The following PREPL variants were observed in gnomAD, a reference collection of about 807,000 sequenced individuals.
PREPL encodes prolyl endopeptidase like, also known as prolyl endopeptidase-like.
A neutral mutation model predicts 70.6 loss-of-function variants in PREPL; 77 were observed. The observed-to-expected ratio is 1.09, with a 90% CI of 0.91 to 1.32. The LOEUF (loss-of-function observed/expected upper bound fraction) is 1.32, where lower values mean the gene tolerates loss of function less well. Among genes scored for constraint, PREPL ranks in the 40% most tolerant of loss-of-function variants. The pLI, the probability that PREPL is intolerant of heterozygous loss-of-function variation, is 0.00. For missense variants in PREPL, 1,002 were observed against 778.2 expected (o/e 1.29, Z -3.42); for synonymous variants, 315 against 264.8 (o/e 1.19, Z -1.84).
intron 1 of PREPL, among the ~76,000 whole-genome samples, chr2:44,352,258 G>T (rs1263986221): frequency 1.3e-5 from 2 of 151,816 alleles, no homozygotes; most frequent in Non-Finnish European, 2.9e-5. Flanking sequence ...TTTCATTCAT[G>T]TAATTCTTTT....
Position 44,326,824 on chromosome 2 carries a change from T to G in PREPL, c.1367A>C (p.Gln456Pro). The G allele has an allele frequency of 6.2e-7, 1 of 1,614,182 alleles. No homozygotes were observed. The highest frequency in any genetic ancestry group is 8.5e-7 in the Non-Finnish European group (1 of 1,180,024). The change falls in exon 10 of 14, where the codon CAA becomes CCA. Residue 456 changes from glutamine to proline, a missense_variant. Transcript: ENST00000409411. ...TGTTAGACTTGGCTGAGAAAAGCCTTGGCCATGAAGCGTCTTAATGCAAGC... is the reference window on the plus strand; with the variant it reads ...TGTTAGACTTGGCTGAGAAAAGCCTGGGCCATGAAGCGTCTTAATGCAAGC... ...LEACIKTLHG[Q>P]GFSQPSLTTL...
rs759643353 is a variant in PREPL, at chr2:44,321,866, C to T, written c.1788G>A (p.Gln596=). The change falls in exon 13 of 14, where the codon CAG becomes CAA. Residue 596 remains glutamine (Q), a synonymous_variant. Coordinates refer to ENST00000409411, the MANE Select transcript of PREPL (RefSeq NM_001171613.2). The part of the protein sequence containing the change: ...YQTPNIILDI[Q]PGGNHVIEDS... ...CCTCAATTACATGATTGCCTCCAGGCTGAATATCTAGAATAATATTAGGGG... is the reference window on the plus strand; with the variant it reads ...CCTCAATTACATGATTGCCTCCAGGTTGAATATCTAGAATAATATTAGGGG... 13 of 1,613,678 alleles carry T rather than the reference C, an allele frequency of 8.1e-6. No homozygotes were observed. The East Asian group carries it at 1.1e-4, about 14-fold the overall frequency.
At chr2:44,322,029 C>T in intron 12 of PREPL, 129 bp from the exon 13 acceptor site, 1 of 904,236 alleles carries the variant, frequency 1.1e-6, no homozygotes. Flanking sequence ...AAGCAAAAAC[C>T]ACCATCATCA....
At position 44,318,561 on chromosome 2, in the gene PREPL, C is replaced by G. The variant is rs929354881; in HGVS notation, c.*2795G>C. Reference sequence around the variant, plus strand: ...TATTCAATAAAGTATAGAATGGTAACATATCACCAACTGTGTAAAGAAAAA... The same window carrying G: ...TATTCAATAAAGTATAGAATGGTAAGATATCACCAACTGTGTAAAGAAAAA... On this transcript the variant is annotated 3_prime_UTR_variant, in exon 14 of 14. Coordinates refer to ENST00000409411, the MANE Select transcript of PREPL (RefSeq NM_001171613.2). 1.3e-5 allele frequency: 2 copies of G among 152,330 alleles called. No homozygotes were observed. Among genetic ancestry groups the G allele is most frequent in the African/African-American group, 4.9e-5 (2 of 41,064 alleles). 9.4% of individuals were successfully genotyped at this position (152,330 alleles called of 1,614,324 possible). A position where few individuals can be genotyped will look rare whatever the true frequency, so the allele number is the denominator to read the frequency against.
chr2:44,360,900 T>A (rs1162346576), intron 1 of PREPL, among the ~76,000 whole-genome samples: 1 of 152,316 alleles, frequency 6.6e-6, no homozygotes, highest in East Asian at 1.9e-4. Flanking sequence ...GGTAGAATGC[T>A]GCGTCAAATT....
At position 44,339,320 on chromosome 2, in the gene PREPL, T is replaced by A. The variant is rs756130943; in HGVS notation, c.529A>T (p.Thr177Ser). The A allele has an allele frequency of 4.3e-6, 7 of 1,613,986 alleles. No individual in the cohort carries two copies. The Admixed American group carries it at 1.2e-4, about 27-fold the overall frequency. Reference sequence around the variant, plus strand: ...GTAGTCTTGTTCATAATATTTATGGTGAGGAAACGACTGTCTTTTGTAAGA... The same window carrying A: ...GTAGTCTTGTTCATAATATTTATGGAGAGGAAACGACTGTCTTTTGTAAGA... ...LYLTKDSRFL[T>S]INIMNKTTSE... is the part of the protein sequence containing the mutation. Residue 177 changes from threonine (T) to serine (S), a missense_variant, in exon 6 of 14, where the codon ACC (threonine) becomes TCC (serine). By Grantham distance (58) the Thr-to-Ser change is moderately conservative (BLOSUM62 1). Coordinates refer to ENST00000409411, the MANE Select transcript of PREPL (RefSeq NM_001171613.2).
In PREPL at chr2:44,329,024, G is replaced by A; in HGVS notation, c.1175C>T (p.Ala392Val). ...KKPLLVHVYGAYGMDLKMNFR... is the reference protein window; with the variant it reads ...KKPLLVHVYGVYGMDLKMNFR... Reference sequence around the variant, plus strand: ...ATTCATTTTCAAATCCATTCCATAAGCTCCATATACATGTACCAAGAGAGG... The same window carrying A: ...ATTCATTTTCAAATCCATTCCATAAACTCCATATACATGTACCAAGAGAGG... Residue 392 changes from alanine (A) to valine (V), a missense_variant, in exon 9 of 14, where the codon GCT becomes GTT. By Grantham distance (64) the Ala-to-Val change is moderately conservative (BLOSUM62 0). Transcript: ENST00000409411. 1 of 1,613,744 alleles carries A rather than the reference G, an allele frequency of 6.2e-7. No homozygotes were observed. Among genetic ancestry groups the A allele is most frequent in the Non-Finnish European group, 8.5e-7 (1 of 1,179,700 alleles).
rs202130215 is a variant in PREPL at position 44,322,757 on chromosome 2, G to A, written c.1727C>T (p.Ala576Val). 1.1e-4 allele frequency: 179 copies of A among 1,613,760 alleles called. No homozygotes were observed. The highest frequency in any genetic ancestry group is 2.1e-4 in the African/African-American group (16 of 74,968). Residue 576 changes from alanine to valine, a missense_variant, in exon 12 of 14, where the codon GCG becomes GTG. Physicochemically the swap from Ala to Val is moderately conservative, Grantham distance 64. Transcript: ENST00000409411. ...TTCACCTGTGTCCTTAGCATGCTCC[G>A]CGATGGCTTCCTTGAGTTTCTCAGT... ...SYTEKLKEAIAEHAKDTGEGY... is the reference protein window; with the variant it reads ...SYTEKLKEAIVEHAKDTGEGY...
chr2:44,333,803 T>C (rs1391783950), intron 7 of PREPL, among the ~76,000 whole-genome samples: 1 of 152,120 alleles, frequency 6.6e-6, no homozygotes, highest in Non-Finnish European at 1.5e-5. Flanking sequence ...TCTGGTAGCA[T>C]AGTTATAAGC....
intron 11 of PREPL, 82 bp from the exon 12 acceptor site, chr2:44,322,936 C>G: frequency 6.6e-7 from 1 of 1,521,764 alleles, no homozygotes; most frequent in Non-Finnish European, 8.8e-7. Context: ...AAATAATTAC[C>G]TCCAATTTTT....
chr2:44,331,431 G>T (rs1269203622), intron 8 of PREPL, among the ~76,000 whole-genome samples: 1 of 151,782 alleles, frequency 6.6e-6, no homozygotes, highest in Non-Finnish European at 1.5e-5. Context: ...GGCCAGGCTG[G>T]TCTCGACCTC....
At chr2:44,361,720 A>C (rs1677840168), upstream of PREPL, 3 of 394,988 alleles carry the variant, frequency 7.6e-6, no homozygotes, top group South Asian at 1.6e-4. Context: ...GAAGGCTAAA[A>C]CAATGAGGGA....
intron 8 of PREPL, among the ~76,000 whole-genome samples, chr2:44,331,865 T>C (rs1674132343): frequency 6.6e-6 from 1 of 152,204 alleles, no homozygotes; most frequent in South Asian, 2.1e-4. Flanking sequence ...ACCAACTCTA[T>C]TAATTTTTTC....
rs959339983 is a variant in PREPL at position 44,346,263 on chromosome 2, C to G, written c.75+5G>C. Reference sequence around the variant, plus strand: ...ATTTTTTTTTAAAGACATGAGATATCTTACTTCCACATTGATGATTTCATA... The same window carrying G: ...ATTTTTTTTTAAAGACATGAGATATGTTACTTCCACATTGATGATTTCATA... On this transcript the variant is annotated splice_donor_5th_base_variant and intron_variant, in intron 2 of 13. Transcript: ENST00000409411. 2 of 1,606,164 alleles carry G rather than the reference C, an allele frequency of 1.2e-6. No homozygotes were observed. The highest frequency in any genetic ancestry group is 2.7e-5 in the African/African-American group (2 of 74,324).
rs1279221452 is a variant in PREPL, at chr2:44,321,084, T to A, written c.*272A>T. The A allele has an allele frequency of 4.6e-6, 2 of 436,936 alleles. No individual in the cohort carries two copies. The highest frequency in any genetic ancestry group is 4.0e-5 in the African/African-American group (2 of 50,350). 27.1% of individuals were successfully genotyped at this position (436,936 alleles called of 1,614,324 possible). A position where few individuals can be genotyped will look rare whatever the true frequency, so the allele number is the denominator to read the frequency against. On this transcript the variant is annotated 3_prime_UTR_variant, in exon 14 of 14. Coordinates refer to ENST00000409411, the MANE Select transcript of PREPL (RefSeq NM_001171613.2). The stretch of plus-strand genomic sequence containing the variant: ...CTGGAAGGGAGGCCTGGAGCTCTGC[T>A]ATCACCAATCCTTCCCTTCCCTCTA...
chr2:44,360,443 T>C (rs574754940), intron 1 of PREPL: 1 of 152,230 alleles, frequency 6.6e-6, no homozygotes, highest in Non-Finnish European at 1.5e-5. Flanking sequence ...CGGTTCCAAA[T>C]ACTGGACATA....
rs748526656 is a variant in PREPL, at chr2:44,322,858, A to C, written c.1630-4T>G. On this transcript the variant is annotated splice_polypyrimidine_tract_variant and splice_region_variant and intron_variant, in intron 11 of 13. Coordinates refer to ENST00000409411, the MANE Select transcript of PREPL (RefSeq NM_001171613.2). The stretch of plus-strand genomic sequence containing the variant: ...TTATGTGAATTGAAGGATAATGCTG[A>C]AAGAAAATACATGCACGAAGAGTTT... 3 of 1,613,028 alleles carry C rather than the reference A, an allele frequency of 1.9e-6. No homozygotes were observed. Among genetic ancestry groups the C allele is most frequent in the Non-Finnish European group, 1.7e-6 (2 of 1,179,456 alleles).
At chr2:44,327,255 G>A (rs544504389) in intron 9 of PREPL, among the ~76,000 whole-genome samples, 2 of 152,138 alleles carry the variant, frequency 1.3e-5, no homozygotes, top group South Asian at 2.1e-4. Context: ...AGAAACAAAC[G>A]AAAATCCCCT....
intron 7 of PREPL, among the ~76,000 whole-genome samples, chr2:44,335,954 T>C (rs1399450180): frequency 2.6e-5 from 4 of 151,364 alleles, no homozygotes; most frequent in Non-Finnish European, 5.9e-5. Context: ...ATGAAAAAAA[T>C]GCTCAACATC....
Sources: allele counts gnomAD v4.1 joint callset (sites outside exome capture counted in the v4.1 genomes callset), GRCh38; gene constraint gnomAD v4.1.1; transcripts MANE v1.5; gene names NCBI Gene and HGNC (gene_info 2026-07-23, HGNC 2026-07-21).